PHIP: variants seen among roughly 807,000 people sequenced by gnomAD.
PHIP encodes PHIP subunit of CUL4-Ring ligase complex.
Under a neutral mutation model 236.8 loss-of-function variants are expected in PHIP, and 54 were observed. That is an observed-to-expected ratio of 0.23 (90% CI 0.18 to 0.29). PHIP has a LOEUF of 0.29. Ranked by LOEUF, PHIP falls within the 10% of genes least tolerant of loss-of-function variation. The probability of loss-of-function intolerance (pLI) is 1.00; values close to 1 mark genes in which losing one functional copy is unlikely to be tolerated. For synonymous variants in PHIP, 756 were observed against 718.9 expected (o/e 1.05, Z -0.83); for missense variants, 1,370 against 2,190.8 (o/e 0.63, Z 7.48).
At chr6:79,054,624 T>A (rs908236134) in intron 6 of PHIP, among the ~76,000 whole-genome samples, 1 of 151,208 alleles carries the variant, frequency 6.6e-6, no homozygotes, top group Non-Finnish European at 1.5e-5. Flanking sequence ...ATGTAACTGT[T>A]AACTTATATA....
chr6:79,032,046 AAG>A (rs1284832865), intron 7 of PHIP, among the ~76,000 whole-genome samples: 3 of 152,222 alleles, frequency 2.0e-5, no homozygotes, highest in African/African-American at 7.2e-5. Context: ...AAGTGCATGT[AAG>A]AGTTACGTTT....
intron 24 of PHIP, among the ~76,000 whole-genome samples, chr6:78,972,624 C>G (rs1228231452): frequency 3.9e-5 from 6 of 152,050 alleles, no homozygotes; most frequent in Admixed American, 3.3e-4. Flanking sequence ...AAGTTGAAAA[C>G]TTTGAAAAAA....
intron 36 of PHIP, among the ~76,000 whole-genome samples, chr6:78,947,185 T>G (rs900419927): frequency 3.3e-5 from 5 of 152,220 alleles, no homozygotes; most frequent in African/African-American, 1.2e-4. Context: ...CCCAAATGTT[T>G]GAACCTGTTT....
chr6:79,072,364 A>G (rs1203137848), intron 4 of PHIP, among the ~76,000 whole-genome samples: 2 of 152,258 alleles, frequency 1.3e-5, no homozygotes, highest in Non-Finnish European at 2.9e-5. Context: ...CAATTTTTCC[A>G]GAGGTCTATC....
chr6:79,059,254 G>T (rs924666762), intron 6 of PHIP, among the ~76,000 whole-genome samples: 1 of 151,824 alleles, frequency 6.6e-6, no homozygotes, highest in East Asian at 1.9e-4. Context: ...GAACACAGAG[G>T]TTATTTTAAG....
At chr6:79,077,822 C>A in intron 2 of PHIP, 33 bp downstream of exon 2, 2 of 1,292,038 alleles carry the variant, frequency 1.5e-6, no homozygotes, top group Non-Finnish European at 2.0e-6. Flanking sequence ...GAGCGGCGAG[C>A]GCCGGCCCGG....
At chr6:78,985,249 C>A in intron 22 of PHIP, 103 bp downstream of exon 22, 2 of 698,502 alleles carry the variant, frequency 2.9e-6, no homozygotes, top group Non-Finnish European at 5.1e-6. Flanking sequence ...CTCTGAAGAA[C>A]TTTGAACTTA....
chr6:79,062,229 T>A (rs1393912594), intron 4 of PHIP, among the ~76,000 whole-genome samples: 1 of 152,202 alleles, frequency 6.6e-6, no homozygotes, highest in Non-Finnish European at 1.5e-5. Flanking sequence ...CCTGAGATTA[T>A]TTCCCAAACT....
chr6:78,970,709 C>A, intron 25 of PHIP, 72 bp downstream of exon 25: 1 of 954,850 alleles, frequency 1.0e-6, no homozygotes, highest in South Asian at 1.5e-5. Context: ...TTAATAGTAA[C>A]CTTTGATACA....
intron 15 of PHIP, among the ~76,000 whole-genome samples, chr6:79,005,261 A>G (rs772865766): frequency 6.6e-6 from 1 of 152,032 alleles, no homozygotes; most frequent in East Asian, 1.9e-4. Flanking sequence ...ATAGGAGAAG[A>G]AGGTAACTGA....
At chr6:78,984,807 A>G (rs1366377370) in intron 22 of PHIP, among the ~76,000 whole-genome samples, 1 of 152,172 alleles carries the variant, frequency 6.6e-6, no homozygotes. Context: ...GCAGCTAATC[A>G]TAATTGCCAT....
At chr6:78,986,964 C>T (rs1022962171) in intron 21 of PHIP, among the ~76,000 whole-genome samples, 2 of 151,924 alleles carry the variant, frequency 1.3e-5, no homozygotes, top group African/African-American at 2.4e-5. Context: ...TTCCTACATT[C>T]CAAATACAAA....
rs1383818732 is a variant in PHIP, at chr6:78,991,002, A to G, written c.2202-17T>C. On this transcript the variant is annotated splice_polypyrimidine_tract_variant and intron_variant, in intron 19 of 39. Coordinates refer to ENST00000275034, the MANE Select transcript of PHIP (RefSeq NM_017934.7). ...TCTTGCCTACTGAAAGACAAAAGCC[A>G]TATGCATTAATCTAGAATTTTACAC... 6.9e-7 allele frequency: 1 copy of G among 1,447,948 alleles called. No homozygotes were observed. Among genetic ancestry groups the G allele is most frequent in the East Asian group, 2.3e-5 (1 of 43,850 alleles). 89.7% of individuals were successfully genotyped at this position (1,447,948 alleles called of 1,614,324 possible).
chr6:79,016,723 A>G, intron 12 of PHIP, 81 bp from the exon 13 acceptor site: 1 of 801,162 alleles, frequency 1.2e-6, no homozygotes. Context: ...GATCTTGTTT[A>G]AAAAGACAGC....
At position 79,078,140 on chromosome 6, in the gene PHIP, C is replaced by T. The variant is rs554785602; in HGVS notation, c.-72G>A. Reference sequence around the variant, plus strand: ...GGGGAAGCGGGGACGGTGCCGCCGCCTGCCCTATAGCTGTCAGTGTGTGTT... The same window carrying T: ...GGGGAAGCGGGGACGGTGCCGCCGCTTGCCCTATAGCTGTCAGTGTGTGTT... On this transcript the variant is annotated 5_prime_UTR_variant, in exon 1 of 40. Coordinates refer to ENST00000275034, the MANE Select transcript of PHIP (RefSeq NM_017934.7). 15 of 1,482,502 alleles carry T rather than the reference C, an allele frequency of 1.0e-5. No homozygotes were observed. Among genetic ancestry groups the T allele is most frequent in the African/African-American group, 9.7e-5 (7 of 71,948 alleles). 91.8% of individuals were successfully genotyped at this position (1,482,502 alleles called of 1,614,324 possible).
At chr6:79,063,421 AGTTT>A (rs971358005) in intron 4 of PHIP, among the ~76,000 whole-genome samples, 10 of 152,178 alleles carry the variant, frequency 6.6e-5, no homozygotes, top group Admixed American at 2.6e-4. Flanking sequence ...TTTTGGGGTG[AGTTT>A]GTTTGTTTTG....
intron 4 of PHIP, 141 bp from the exon 5 acceptor site, chr6:79,060,959 T>C (rs1773341749): frequency 3.7e-6 from 2 of 535,714 alleles, no homozygotes; most frequent in Admixed American, 7.3e-5. Context: ...CCAGAATAAT[T>C]AAGAATTAAG....
intron 9 of PHIP, among the ~76,000 whole-genome samples, chr6:79,025,017 T>C (rs899670008): frequency 6.6e-6 from 1 of 152,150 alleles, no homozygotes. Context: ...ACCGCACAAA[T>C]GCAAAATGTT....
At chr6:78,988,907 T>C (rs1769038425) in intron 20 of PHIP, among the ~76,000 whole-genome samples, 1 of 152,078 alleles carries the variant, frequency 6.6e-6, no homozygotes, top group African/African-American at 2.4e-5. Flanking sequence ...AAAATGGGGA[T>C]CATAAAGCTA....
Sources: gnomAD v4.1 joint callset for allele counts (sites outside exome capture counted in the v4.1 genomes callset) on GRCh38, gnomAD v4.1.1 for gene constraint, MANE v1.5 for transcripts, NCBI Gene and HGNC (gene_info 2026-07-23, HGNC 2026-07-21) for gene names.